Variants in ESF1 observed in about 807,000 individuals in gnomAD.
ESF1 encodes ESF1 homolog.
In ESF1, 58 loss-of-function variants were observed where a neutral mutation model predicts 92.0. The observed-to-expected ratio is 0.63, with a 90% CI of 0.51 to 0.78. The LOEUF is 0.78. ESF1 is among the 30% of genes least tolerant of loss of function. ESF1 has a pLI of 0.00. For synonymous variants in ESF1, 321 were observed against 313.7 expected, an observed-to-expected ratio of 1.02 and a Z score of -0.24; for missense variants, 922 against 989.1, an observed-to-expected ratio of 0.93 and a Z score of 0.91.
chr20:13,769,436 G>T (rs1330657436), intron 7 of ESF1, among the ~76,000 whole-genome samples: 1 of 152,194 alleles, frequency 6.6e-6, no homozygotes, highest in Non-Finnish European at 1.5e-5. Context: ...CACAGATATG[G>T]TAGAGGCAGA....
In ESF1 at chr20:13,720,482, C is replaced by T. The variant is rs575081497; in HGVS notation, c.2039-1498G>A. 3.2e-4 allele frequency among the ~76,000 whole-genome samples: 49 copies of T among 152,278 alleles called. 1 individual carries two copies. Among genetic ancestry groups the T allele is most frequent in the Non-Finnish European group, 4.1e-4 (28 of 68,032 alleles). On this transcript the variant is annotated intron_variant, in intron 11 of 13. Coordinates refer to ENST00000617257, the MANE Select transcript of ESF1 (RefSeq NM_001276380.2). ...TCAACATGAATCTAATGGAACCACT[C>T]GTCTAACTTCCAGTTTATGGAAAAT...
rs1309150487 is a variant in ESF1, at chr20:13,717,375, T to C, written c.2255A>G (p.Asp752Gly). 2 of 1,613,950 alleles carry C rather than the reference T, an allele frequency of 1.2e-6. No individual in the cohort carries two copies. Among genetic ancestry groups the C allele is most frequent in the East Asian group, 2.2e-5 (1 of 44,896 alleles). Residue 752 changes from aspartate (D) to glycine (G), a missense_variant, in exon 13 of 14, where the codon GAC becomes GGC. Coordinates refer to ENST00000617257, the MANE Select transcript of ESF1 (RefSeq NM_001276380.2). ...CCTGGTGTCTATGGTTACCTCAAAG[T>C]CATCCTCTATTAATTCCTTCTTTTT... ...LMKKKELIEDDFEVNVNDARF... is the reference protein window; with the variant it reads ...LMKKKELIEDGFEVNVNDARF...
At chr20:13,753,043 T>G (rs1197484124) in intron 9 of ESF1, among the ~76,000 whole-genome samples, 4 of 152,006 alleles carry the variant, frequency 2.6e-5, no homozygotes, top group African/African-American at 9.7e-5. Flanking sequence ...TGCCAAGATA[T>G]CCCAATGACA....
At chr20:13,716,642 CTTTTTTTTTTT>C (rs1274212917) in intron 13 of ESF1, among the ~76,000 whole-genome samples, 8 of 132,900 alleles carry the variant, frequency 6.0e-5, no homozygotes, top group African/African-American at 8.3e-5. Flanking sequence ...CTTTTTTTTT[CTTTTTTTTTTT>C]TTTTTGAGAC....
chr20:13,772,317 A>C (rs772827640), intron 5 of ESF1, among the ~76,000 whole-genome samples, 198 bp downstream of exon 5: 1 of 152,164 alleles, frequency 6.6e-6, no homozygotes, highest in Non-Finnish European at 1.5e-5. Flanking sequence ...ATGAATACAG[A>C]AATAGAAATA....
intron 11 of ESF1, among the ~76,000 whole-genome samples, chr20:13,726,285 A>G (rs976290675): frequency 1.3e-5 from 2 of 152,198 alleles, no homozygotes; most frequent in Non-Finnish European, 2.9e-5. Flanking sequence ...CAGGACAACA[A>G]AGCCCTACAG....
At chr20:13,742,608 G>A (rs1290671862) in intron 9 of ESF1, among the ~76,000 whole-genome samples, 3 of 152,086 alleles carry the variant, frequency 2.0e-5, no homozygotes, top group Admixed American at 6.5e-5. Flanking sequence ...ATTCATCATA[G>A]TAACACCTAA....
rs750323993 is a variant in ESF1 at position 13,717,554 on chromosome 20, T to C, written c.2116-40A>G. ...AAAAAGTTCAAATGTACAACAGTGC[T>C]TTTTTTTCCACCCCCAAAAAGGAGT... On this transcript the variant is annotated intron_variant, in intron 12 of 13. Coordinates refer to ENST00000617257, the MANE Select transcript of ESF1 (RefSeq NM_001276380.2). 4 of 1,597,680 alleles carry C rather than the reference T, an allele frequency of 2.5e-6. No individual in the cohort carries two copies. In the African/African-American group the frequency reaches 5.4e-5, roughly 22 times the overall value.
intron 8 of ESF1, among the ~76,000 whole-genome samples, chr20:13,760,181 T>A (rs1000284498): frequency 6.6e-6 from 1 of 152,224 alleles, no homozygotes; most frequent in Admixed American, 6.5e-5. Flanking sequence ...TTTCACCCTC[T>A]CTGGGAAGTG....
intron 9 of ESF1, among the ~76,000 whole-genome samples, chr20:13,748,457 TAC>T (rs371148194): frequency 1.4e-5 from 1 of 72,592 alleles, no homozygotes; most frequent in Non-Finnish European, 3.0e-5. Context: ...TACATATATA[TAC>T]ATATATACAC....
intron 5 of ESF1, among the ~76,000 whole-genome samples, chr20:13,772,230 G>A (rs1423941940): frequency 1.3e-5 from 2 of 150,350 alleles, no homozygotes; most frequent in African/African-American, 2.4e-5. Flanking sequence ...TCAGAGCAAC[G>A]AGGCTGAAAG....
intron 13 of ESF1, 24 bp from the exon 14 acceptor site, chr20:13,715,191 A>T (rs1270588498): frequency 5.5e-6 from 8 of 1,450,788 alleles, no homozygotes; most frequent in Non-Finnish European, 7.3e-6. Flanking sequence ...AAAAAAAAAA[A>T]TTAATAAATT....
intron 4 of ESF1, among the ~76,000 whole-genome samples, chr20:13,773,866 C>A (rs372762920): frequency 3.9e-5 from 6 of 152,048 alleles, no homozygotes; most frequent in Non-Finnish European, 8.8e-5. Flanking sequence ...GAGGCCGAGG[C>A]GGGCGGATCA....
At chr20:13,715,350 C>T (rs1043976515) in intron 13 of ESF1, among the ~76,000 whole-genome samples, 183 bp from the exon 14 acceptor site, 2 of 152,032 alleles carry the variant, frequency 1.3e-5, no homozygotes, top group Non-Finnish European at 2.9e-5. Context: ...TACCTTTGGA[C>T]CACAACTTGT....
At chr20:13,732,937 T>C (rs1297772342) in intron 10 of ESF1, among the ~76,000 whole-genome samples, 1 of 99,522 alleles carries the variant, frequency 1.0e-5, no homozygotes, top group Non-Finnish European at 2.2e-5. Flanking sequence ...TTTATTTATT[T>C]ATTTATTGAG....
Position 13,759,739 on chromosome 20 carries a change from T to C in ESF1, c.1781A>G (p.Lys594Arg). ...TTCCATATCATTTTCTTTGCCTTTC[T>C]TTTCTTTTTCTTGAATAACCTGCAA... Reference protein sequence around the residue: ...QLLQVIQEKEKKGKENDMEME... With the variant: ...QLLQVIQEKERKGKENDMEME... The change falls in exon 9 of 14, where the codon AAG becomes AGG. Residue 594 changes from lysine to arginine, a missense_variant. Transcript: ENST00000617257. 1 of 1,572,212 alleles carries C rather than the reference T, an allele frequency of 6.4e-7. No homozygotes were observed. Among genetic ancestry groups the C allele is most frequent in the Admixed American group, 2.1e-5 (1 of 46,686 alleles).
At chr20:13,768,243 G>A (rs538578981) in intron 7 of ESF1, among the ~76,000 whole-genome samples, 28 of 152,272 alleles carry the variant, frequency 1.8e-4, no homozygotes, top group South Asian at 4.1e-4. Flanking sequence ...AGAGAAGCAC[G>A]GTGATTTATC....
chr20:13,749,576 A>AT (rs1568718971), intron 9 of ESF1, among the ~76,000 whole-genome samples: 1 of 148,712 alleles, frequency 6.7e-6, no homozygotes, highest in Non-Finnish European at 1.5e-5. Flanking sequence ...TTATTTTTTA[A>AT]TTTTTTTGAG....
intron 9 of ESF1, among the ~76,000 whole-genome samples, chr20:13,734,635 C>T (rs989193950): frequency 1.1e-4 from 16 of 152,260 alleles, no homozygotes; most frequent in Admixed American, 1.0e-3. Context: ...TACAAAGACC[C>T]TCATTATTGC....
Sources: allele counts gnomAD v4.1 joint callset (sites outside exome capture counted in the v4.1 genomes callset), GRCh38; gene constraint gnomAD v4.1.1; transcripts MANE v1.5; gene names NCBI Gene and HGNC (gene_info 2026-07-23, HGNC 2026-07-21).